CDYL: variants seen among roughly 807,000 people sequenced by gnomAD.
CDYL encodes chromodomain Y like, also known as chromodomain Y-like protein.
A neutral mutation model predicts 47.3 loss-of-function variants in CDYL; 8 were observed. That is an observed-to-expected ratio of 0.17 (90% CI 0.10 to 0.31). CDYL has a LOEUF of 0.31. CDYL is among the 10% of genes least tolerant of loss of function. The pLI is 1.00. For synonymous variants in CDYL, 266 were observed against 265.0 expected (o/e 1.00, Z -0.04); for missense variants, 471 against 701.4 (o/e 0.67, Z 3.71).
chr6:4,760,554 T>C (rs1758159652), intron 3 of CDYL, among the ~76,000 whole-genome samples: 1 of 151,980 alleles, frequency 6.6e-6, no homozygotes, highest in African/African-American at 2.4e-5. Context: ...GTGGAGTTGG[T>C]GATGAATAGA....
chr6:4,717,317 T>TG (rs1169295378), intron 2 of CDYL, among the ~76,000 whole-genome samples: 1 of 152,190 alleles, frequency 6.6e-6, no homozygotes, highest in Non-Finnish European at 1.5e-5. Flanking sequence ...CTGGTGCAGC[T>TG]GGGGCTTTTA....
chr6:4,718,476 C>A (rs1305779895), intron 2 of CDYL: 2 of 152,096 alleles, frequency 1.3e-5, no homozygotes, highest in Non-Finnish European at 2.9e-5. Context: ...CAGGGTTTCA[C>A]CATGTTGGCC....
intron 1 of CDYL, among the ~76,000 whole-genome samples, chr6:4,811,779 C>G (rs774299140): frequency 2.0e-5 from 3 of 151,998 alleles, no homozygotes; most frequent in Non-Finnish European, 2.9e-5. Flanking sequence ...CCTCTCTCTT[C>G]TTTAACAAAT....
chr6:4,772,536 T>C (rs796847508), upstream of CDYL, among the ~76,000 whole-genome samples: 35 of 152,338 alleles, frequency 2.3e-4, no homozygotes, highest in African/African-American at 7.9e-4. Context: ...ATTAATCTTA[T>C]AAATGGTTCT....
At chr6:4,719,097 G>C (rs1361315437) in intron 2 of CDYL, among the ~76,000 whole-genome samples, 1 of 151,802 alleles carries the variant, frequency 6.6e-6, no homozygotes, top group African/African-American at 2.4e-5. Context: ...CTAATTTTTT[G>C]TATTTTTAGT....
chr6:4,921,088 A>G (rs190133143), intron 2 of CDYL, among the ~76,000 whole-genome samples: 5 of 152,238 alleles, frequency 3.3e-5, no homozygotes, highest in Admixed American at 2.0e-4. Context: ...GTGGTCTTCA[A>G]TCCAGCTGTA....
chr6:4,946,588 G>A (rs748645113), intron 5 of CDYL, among the ~76,000 whole-genome samples: 17 of 152,188 alleles, frequency 1.1e-4, no homozygotes, highest in Non-Finnish European at 1.8e-4. Flanking sequence ...TGGGGGTGAC[G>A]CAGGGGTCTA....
At chr6:4,758,217 T>C (rs757726817) in intron 3 of CDYL, among the ~76,000 whole-genome samples, 8 of 151,514 alleles carry the variant, frequency 5.3e-5, no homozygotes, top group Non-Finnish European at 1.0e-4. Flanking sequence ...CTCATGCCTG[T>C]AGTCCCAGTT....
chr6:4,939,621 TA>T (rs1207112017), intron 4 of CDYL, among the ~76,000 whole-genome samples: 2 of 152,218 alleles, frequency 1.3e-5, no homozygotes, highest in African/African-American at 2.4e-5. Context: ...TCTAATCTCC[TA>T]GGGGATTTCA....
chr6:4,850,837 TA>T (rs1427995842), intron 1 of CDYL, among the ~76,000 whole-genome samples: 1 of 152,206 alleles, frequency 6.6e-6, no homozygotes, highest in Non-Finnish European at 1.5e-5. Flanking sequence ...TTTCAAGTGT[TA>T]AAAAATTATT....
At chr6:4,780,367 G>A (rs1220348896) in intron 1 of CDYL, among the ~76,000 whole-genome samples, 2 of 146,056 alleles carry the variant, frequency 1.4e-5, no homozygotes, top group African/African-American at 5.0e-5. Flanking sequence ...CTGAGTGGCT[G>A]GGATTACAGA....
intron 5 of CDYL, among the ~76,000 whole-genome samples, chr6:4,951,653 A>G (rs1758708368): frequency 6.6e-6 from 1 of 151,944 alleles, no homozygotes; most frequent in African/African-American, 2.4e-5. Flanking sequence ...GTCTTTTCGT[A>G]TCCAAGCGAT....
intron 3 of CDYL, among the ~76,000 whole-genome samples, chr6:4,755,158 C>G (rs1234580060): frequency 2.0e-5 from 3 of 151,996 alleles, no homozygotes; most frequent in Non-Finnish European, 4.4e-5. Context: ...CTCCCAGGTT[C>G]AAGCTATTCT....
chr6:4,732,699 C>T (rs1401799974), intron 2 of CDYL, among the ~76,000 whole-genome samples: 1 of 150,918 alleles, frequency 6.6e-6, no homozygotes, highest in Non-Finnish European at 1.5e-5. Context: ...GGGGAATTCT[C>T]AGTATCCCTT....
intron 2 of CDYL, among the ~76,000 whole-genome samples, chr6:4,901,811 C>T (rs539610970): frequency 8.9e-4 from 136 of 152,258 alleles, no homozygotes; most frequent in African/African-American, 3.1e-3. Context: ...TCTGTTGGCT[C>T]ATGAAACTGA....
intron 1 of CDYL, among the ~76,000 whole-genome samples, chr6:4,887,742 C>T (rs1266662461): frequency 6.6e-6 from 1 of 152,084 alleles, no homozygotes; most frequent in Non-Finnish European, 1.5e-5. Flanking sequence ...ATAGAAGTGG[C>T]AAGAACAAAC....
chr6:4,826,005 C>T (rs1222557212), intron 1 of CDYL, among the ~76,000 whole-genome samples: 1 of 152,244 alleles, frequency 6.6e-6, no homozygotes, highest in Non-Finnish European at 1.5e-5. Flanking sequence ...CTCAGAGCCA[C>T]TTGAAGTGGT....
At chr6:4,861,822 G>T (rs1202694220) in intron 1 of CDYL, among the ~76,000 whole-genome samples, 2 of 152,068 alleles carry the variant, frequency 1.3e-5, no homozygotes, top group African/African-American at 4.8e-5. Flanking sequence ...TTGTCCTTAG[G>T]CAGTTTGACT....
At chr6:4,749,869 A>G (rs1757960811) in intron 3 of CDYL, among the ~76,000 whole-genome samples, 1 of 152,194 alleles carries the variant, frequency 6.6e-6, no homozygotes, top group Non-Finnish European at 1.5e-5. Context: ...GGCCTTATTA[A>G]TACACCAACA....
Sources: gnomAD v4.1 joint callset for allele counts (sites outside exome capture counted in the v4.1 genomes callset) on GRCh38, gnomAD v4.1.1 for gene constraint, MANE v1.5 for transcripts, NCBI Gene and HGNC (gene_info 2026-07-23, HGNC 2026-07-21) for gene names.